Variants in DGKH observed in about 807,000 individuals in gnomAD.
DGKH encodes diacylglycerol kinase eta.
DGKH carries 90 observed loss-of-function variants against 159.3 expected under a neutral mutation model. That is an observed-to-expected ratio of 0.57 (90% confidence interval 0.48 to 0.67). The LOEUF (loss-of-function observed/expected upper bound fraction) is 0.67. Ranked by LOEUF, DGKH falls within the 30% of genes least tolerant of loss-of-function variation. DGKH has a pLI of 0.00. For synonymous variants in DGKH, 536 were observed against 553.8 expected (o/e 0.97, Z 0.45); for missense variants, 1,181 against 1,506.1 (o/e 0.78, Z 3.57).
At chr13:42,212,544 A>G (rs347412) in intron 24 of DGKH, among the ~76,000 whole-genome samples, 85,382 of 152,014 alleles carry the variant, frequency 0.56, 24,895 homozygotes, top group African/African-American at 0.71. Flanking sequence ...CTGTGAACCA[A>G]CCAAATAATC....
intron 1 of DGKH, among the ~76,000 whole-genome samples, chr13:42,119,335 G>A (rs1955023624): frequency 6.6e-6 from 1 of 152,194 alleles, no homozygotes; most frequent in Non-Finnish European, 1.5e-5. Context: ...GAAGAGGAAT[G>A]GATTTAGAGT....
intron 29 of DGKH, among the ~76,000 whole-genome samples, chr13:42,249,999 CTTGCTCTG>C (rs1466035131): frequency 2.7e-5 from 4 of 148,696 alleles, no homozygotes; most frequent in African/African-American, 9.9e-5. Flanking sequence ...TAGATGGAGT[CTTGCTCTG>C]TTGCCCAGGC....
At chr13:42,135,340 A>G (rs1391910835) in intron 3 of DGKH, among the ~76,000 whole-genome samples, 2 of 150,094 alleles carry the variant, frequency 1.3e-5, no homozygotes, top group South Asian at 2.1e-4. Context: ...CTCTACAAAA[A>G]ATGAAAAAAT....
rs1445897225 is a variant in DGKH, at chr13:42,219,347, G to A, written c.3331G>A (p.Glu1111Lys). 5 of 1,613,454 alleles carry A rather than the reference G, an allele frequency of 3.1e-6. No homozygotes were observed. Among genetic ancestry groups the A allele is most frequent in the Non-Finnish European group, 4.2e-6 (5 of 1,179,774 alleles). ...TTATATCTTACACCCAAATGAGGAT[G>A]AGGTATGTAAAATTCAGCCTGTTTC... ...LYYILHPNED[E>K]EPPMDCTKRN... The change falls in exon 27 of 30, where the codon GAG (glutamate) becomes AAG (lysine). Residue 1111 changes from glutamate to lysine, a missense_variant and splice_region_variant. By Grantham distance (56) the Glu-to-Lys change is moderately conservative (BLOSUM62 1). Around this residue, in one of 5 missense-constraint regions of DGKH, gnomAD observed 335 missense variants for 495.2 expected, o/e 0.68. Coordinates refer to ENST00000337343, the MANE Select transcript of DGKH (RefSeq NM_178009.5).
chr13:42,099,231 A>G (rs1954606379), intron 1 of DGKH, among the ~76,000 whole-genome samples: 1 of 152,074 alleles, frequency 6.6e-6, no homozygotes, highest in African/African-American at 2.4e-5. Flanking sequence ...CTTATTCCAC[A>G]TTATCAAGGC....
chr13:42,155,455 C>G, intron 4 of DGKH, 60 bp downstream of exon 4: 4 of 1,534,772 alleles, frequency 2.6e-6, no homozygotes, highest in Non-Finnish European at 3.6e-6. Flanking sequence ...AACCAAAGGG[C>G]TAGAGCTCTA....
intron 1 of DGKH, among the ~76,000 whole-genome samples, chr13:42,040,753 G>A (rs1880441718): frequency 1.3e-5 from 2 of 149,092 alleles, no homozygotes; most frequent in Admixed American, 1.3e-4. Flanking sequence ...CGGGCGGGGA[G>A]CCGGGGCGGC....
intron 3 of DGKH, among the ~76,000 whole-genome samples, chr13:42,138,536 G>C (rs545919989): frequency 6.6e-6 from 1 of 152,194 alleles, no homozygotes; most frequent in Non-Finnish European, 1.5e-5. Context: ...GAATGAATTA[G>C]TGACATTTGT....
chr13:42,171,853 G>A (rs1234982331), intron 11 of DGKH, among the ~76,000 whole-genome samples: 16 of 142,870 alleles, frequency 1.1e-4, no homozygotes, highest in African/African-American at 2.8e-4. Context: ...TTTTTGAGAC[G>A]GAGTCTCGCT....
intron 1 of DGKH, among the ~76,000 whole-genome samples, chr13:42,115,390 G>A (rs2137811649): frequency 6.6e-6 from 1 of 152,248 alleles, no homozygotes; most frequent in East Asian, 1.9e-4. Context: ...TTGTCACTGA[G>A]AAACTCAGTC....
At chr13:42,135,019 C>T (rs2137861958) in intron 3 of DGKH, among the ~76,000 whole-genome samples, 1 of 152,012 alleles carries the variant, frequency 6.6e-6, no homozygotes, top group Non-Finnish European at 1.5e-5. Flanking sequence ...TATATATATA[C>T]TTGTATTGAC....
At chr13:42,210,862 A>G in intron 24 of DGKH, 97 bp downstream of exon 24, 1 of 1,078,094 alleles carries the variant, frequency 9.3e-7, no homozygotes. Flanking sequence ...AGTGGTATCA[A>G]AAAGAGATGC....
intron 20 of DGKH, among the ~76,000 whole-genome samples, chr13:42,204,407 CTG>C (rs1210688332): frequency 6.6e-6 from 1 of 152,182 alleles, no homozygotes; most frequent in African/African-American, 2.4e-5. Context: ...ATGGTTAACA[CTG>C]TGTTTTCATG....
Position 42,191,009 on chromosome 13 carries a change from G to A in DGKH, c.2035+484G>A, listed in dbSNP as rs772626122. Among the ~76,000 whole-genome samples, 5 of 152,128 alleles carry A rather than the reference G, an allele frequency of 3.3e-5. No homozygotes were observed. In the South Asian group the frequency reaches 6.2e-4, roughly 19 times the overall value. ...TCCTTATTAAGCTTCAAAATCATAG[G>A]ACTTTAAAGCAAGCGTTAAAATCAC... On this transcript the variant is annotated intron_variant, in intron 16 of 29. Coordinates refer to ENST00000337343, the MANE Select transcript of DGKH (RefSeq NM_178009.5).
At chr13:42,109,413 G>A (rs1021636695) in intron 1 of DGKH, among the ~76,000 whole-genome samples, 12 of 152,214 alleles carry the variant, frequency 7.9e-5, no homozygotes, top group Admixed American at 2.6e-4. Flanking sequence ...CCGTACCTCT[G>A]CACCTCTGTG....
chr13:42,100,429 G>A (rs1827758217), intron 1 of DGKH, among the ~76,000 whole-genome samples: 1 of 152,196 alleles, frequency 6.6e-6, no homozygotes, highest in Non-Finnish European at 1.5e-5. Context: ...TAATGTGCTT[G>A]AGTCATCCTG....
intron 2 of DGKH, among the ~76,000 whole-genome samples, chr13:42,128,653 A>G (rs1006907816): frequency 7.4e-6 from 1 of 135,670 alleles, no homozygotes; most frequent in Non-Finnish European, 1.6e-5. Flanking sequence ...GAGAGAGTTC[A>G]GTTTTCTGCT....
chr13:42,138,933 T>C (rs1201634571), intron 3 of DGKH, among the ~76,000 whole-genome samples: 4 of 152,238 alleles, frequency 2.6e-5, no homozygotes, highest in Non-Finnish European at 5.9e-5. Flanking sequence ...CTTTATACTC[T>C]GAAAGCTGAT....
rs2137690139 is a variant in DGKH at position 42,070,168 on chromosome 13, T to C, written c.192+21203T>C. On this transcript the variant is annotated intron_variant, in intron 1 of 29. Transcript: ENST00000337343. ...CATGTAAGGATGGGAGAGCGCTTCT[T>C]CTGCTATTAACCAATCCATGGGGCT... The C allele has an allele frequency of 1.4e-5, 13 of 926,858 alleles. No homozygotes were observed. In the Middle Eastern group the frequency reaches 6.3e-4, roughly 45 times the overall value. The allele number at this position is 926,858 out of a possible 1,614,324, so 57.4% of individuals were successfully genotyped here.
Sources: allele counts gnomAD v4.1 joint callset (sites outside exome capture counted in the v4.1 genomes callset), GRCh38; gene constraint gnomAD v4.1.1; regional missense constraint gnomAD v4.1.1; transcripts MANE v1.5; gene names NCBI Gene and HGNC (gene_info 2026-07-23, HGNC 2026-07-21).